TMPRSS13: variants seen among roughly 807,000 people sequenced by gnomAD.
TMPRSS13 encodes transmembrane serine protease 13.
Under a neutral mutation model 68.4 loss-of-function variants are expected in TMPRSS13, and 50 were observed. That is an observed-to-expected ratio of 0.73 (90% CI 0.58 to 0.93). The LOEUF (loss-of-function observed/expected upper bound fraction) is 0.93. TMPRSS13 is among the 40% of genes least tolerant of loss of function. The probability of loss-of-function intolerance (pLI) is 0.00; values close to 1 mark genes in which losing one functional copy is unlikely to be tolerated. For synonymous variants in TMPRSS13, 267 were observed against 285.8 expected, an observed-to-expected ratio of 0.93 and a Z score of 0.66; for missense variants, 615 against 729.2, an observed-to-expected ratio of 0.84 and a Z score of 1.80.
chr11:117,911,797 G>T lies in TMPRSS13; in HGVS notation c.873C>A (p.Tyr291Ter). 6.2e-7 allele frequency: 1 copy of T among 1,614,082 alleles called. No individual in the cohort carries two copies. Among genetic ancestry groups the T allele is most frequent in the Non-Finnish European group, 8.5e-7 (1 of 1,179,992 alleles). ...GGAGGCTTTCCTGGATGGTGGAGTT[G>T]TATCTCAAGATTGAGAAGCTGTTGG... ...DFANSFSILR[Y>*]NSTIQESLHR... The change falls in exon 6 of 13, where the codon TAC becomes TAA. Residue 291 changes from tyrosine (Y) to a stop codon, truncating the protein, a stop_gained. Transcript: ENST00000524993. LOFTEE classifies it high-confidence loss of function.
chr11:117,911,927 G>A lies in TMPRSS13; in HGVS notation c.810-67C>T, dbSNP rs77420280. On this transcript the variant is annotated intron_variant, in intron 5 of 12. Transcript: ENST00000524993. ...CAGAGTCATCCCAAGTCCTCCAGCA[G>A]GCTAGAGCCCCACCAGCCCTGCCGA... 1,506 of 1,337,266 alleles carry A rather than the reference G, an allele frequency of 1.1e-3. 17 individuals are homozygous for A. The African/African-American group carries it at 0.018, about 16-fold the overall frequency. 82.8% of individuals were successfully genotyped at this position (1,337,266 alleles called of 1,614,324 possible). A position where few individuals can be genotyped will look rare whatever the true frequency, so the allele number is the denominator to read the frequency against.
intron 1 of TMPRSS13, among the ~76,000 whole-genome samples, chr11:117,919,281 T>C (rs1849621149): frequency 6.6e-6 from 1 of 152,240 alleles, no homozygotes; most frequent in Admixed American, 6.5e-5. Flanking sequence ...TCCTTTTCTT[T>C]CATGTATGTG....
chr11:117,902,921 T>C (rs2057422376), intron 12 of TMPRSS13: 6 of 990,842 alleles, frequency 6.1e-6, no homozygotes, highest in East Asian at 1.0e-4. Context: ...CTAGGGTGGA[T>C]CAAGTATTCC....
At chr11:117,925,241 T>G (rs897585979) in intron 1 of TMPRSS13, among the ~76,000 whole-genome samples, 4 of 152,162 alleles carry the variant, frequency 2.6e-5, no homozygotes, top group African/African-American at 7.2e-5. Context: ...TAACATTCAT[T>G]TGAACAAAAG....
At chr11:117,927,560 T>C (rs2057718521) in intron 1 of TMPRSS13, among the ~76,000 whole-genome samples, 1 of 152,174 alleles carries the variant, frequency 6.6e-6, no homozygotes, top group South Asian at 2.1e-4. Context: ...TCAAGCCCAC[T>C]GGCCACCATC....
At chr11:117,924,971 G>A (rs2057690270) in intron 1 of TMPRSS13, among the ~76,000 whole-genome samples, 1 of 152,190 alleles carries the variant, frequency 6.6e-6, no homozygotes, top group Non-Finnish European at 1.5e-5. Flanking sequence ...GGGGGTGGGG[G>A]GCACGGGGAG....
At chr11:117,906,997 C>T (rs968096478) in intron 9 of TMPRSS13, among the ~76,000 whole-genome samples, 1 of 152,118 alleles carries the variant, frequency 6.6e-6, no homozygotes, top group South Asian at 2.1e-4. Context: ...TGCTTCCTGC[C>T]CAAAAGCCTA....
intron 1 of TMPRSS13, among the ~76,000 whole-genome samples, 153 bp from the exon 2 acceptor site, chr11:117,918,991 T>A (rs886068249): frequency 1.3e-5 from 2 of 152,130 alleles, no homozygotes; most frequent in Non-Finnish European, 2.9e-5. Flanking sequence ...AGGAGGACTG[T>A]GTCCAAGGAT....
chr11:117,925,587 C>T (rs1317935341), intron 1 of TMPRSS13, among the ~76,000 whole-genome samples: 1 of 152,174 alleles, frequency 6.6e-6, no homozygotes, highest in Non-Finnish European at 1.5e-5. Context: ...GGGGGCCCCT[C>T]TAAAGTTTTG....
At chr11:117,904,790 C>T (rs2057446525) in intron 10 of TMPRSS13, among the ~76,000 whole-genome samples, 1 of 149,500 alleles carries the variant, frequency 6.7e-6, no homozygotes, top group South Asian at 2.1e-4. Flanking sequence ...CACAACAGTA[C>T]CAGACATCCC....
At position 117,903,751 on chromosome 11, in the gene TMPRSS13, A is replaced by T. The variant is rs1165989625; in HGVS notation, c.1581T>A (p.Gly527=). 1.9e-6 allele frequency: 3 copies of T among 1,612,904 alleles called. No homozygotes were observed. Residue 527 remains glycine (G), a synonymous_variant, in exon 12 of 13, where the codon GGT becomes GGA. Coordinates refer to ENST00000524993, the MANE Select transcript of TMPRSS13 (RefSeq NM_001077263.3). ...CACAGCCTGTGCCCCAGCTGGTGACACCTGCCAGGTACCAGCGGTTGTTCT... is the reference window on the plus strand; with the variant it reads ...CACAGCCTGTGCCCCAGCTGGTGACTCCTGCCAGGTACCAGCGGTTGTTCT... The part of the protein sequence containing the change: ...CEQNNRWYLA[G]VTSWGTGCGQ...
chr11:117,929,323 G>C lies in TMPRSS13; in HGVS notation c.-16C>G. On this transcript the variant is annotated 5_prime_UTR_variant, in exon 1 of 13. Transcript: ENST00000524993. ...CCCTCTCCATGGTCTCTGAGGGGAA[G>C]AGTCCTCCAGGCTTAGCTGATGTCG... 1.2e-6 allele frequency: 2 copies of C among 1,604,396 alleles called. No individual in the cohort carries two copies. The highest frequency in any genetic ancestry group is 1.7e-6 in the Non-Finnish European group (2 of 1,175,702).
chr11:117,914,260 A>T lies in TMPRSS13; in HGVS notation c.679+132T>A, dbSNP rs2057551408. 7.9e-7 allele frequency: 1 copy of T among 1,259,196 alleles called. No individual in the cohort carries two copies. The highest frequency in any genetic ancestry group is 1.3e-5 in the South Asian group (1 of 74,920). The allele number at this position is 1,259,196 out of a possible 1,614,324, so 78.0% of individuals were successfully genotyped here. On this transcript the variant is annotated intron_variant, in intron 4 of 12. Coordinates refer to ENST00000524993, the MANE Select transcript of TMPRSS13 (RefSeq NM_001077263.3). This position sits in a 1 kb window ranked among gnomAD's most constrained non-coding sequence, Gnocchi z 4.2. ...ACACACACATACATGCATACACACA[A>T]ACATGCACATACACACACATGCACG... is the stretch of plus-strand genomic sequence containing the variant.
At position 117,923,364 on chromosome 11, in the gene TMPRSS13, C is replaced by A. The variant is rs188218396; in HGVS notation, c.22-4526G>T. Among the ~76,000 whole-genome samples, 428 of 147,454 alleles carry A rather than the reference C, an allele frequency of 2.9e-3. 1 individual carries two copies. The highest frequency in any genetic ancestry group is 5.4e-3 in the Admixed American group (82 of 15,090). On this transcript the variant is annotated intron_variant, in intron 1 of 12. Transcript: ENST00000524993. The stretch of plus-strand genomic sequence containing the variant: ...CCTGGTGGGGATGGTAGTAAGTTAG[C>A]CAGCCCCTGAGTATGTCCAGCTCTT...
Position 117,918,347 on chromosome 11 carries a change from T to G in TMPRSS13, c.451+62A>C, listed in dbSNP as rs568215309. The G allele has an allele frequency of 8.5e-5, 134 of 1,567,454 alleles. 1 individual carries two copies. In the African/African-American group the frequency reaches 1.7e-3, roughly 20 times the overall value. On this transcript the variant is annotated intron_variant, in intron 2 of 12. Transcript: ENST00000524993. ...AGAGCAGAGCACACTGGCTCTGAGA[T>G]TTCCTCCCTGCCCATGGGCTGCTTC...
At chr11:117,928,115 C>T (rs964244488) in intron 1 of TMPRSS13, among the ~76,000 whole-genome samples, 2 of 152,190 alleles carry the variant, frequency 1.3e-5, no homozygotes, top group Admixed American at 6.5e-5. Context: ...CTAGTTTAGG[C>T]TCCCAGCATA....
chr11:117,924,324 G>A (rs1325502443), intron 1 of TMPRSS13, among the ~76,000 whole-genome samples: 1 of 151,906 alleles, frequency 6.6e-6, no homozygotes, highest in Non-Finnish European at 1.5e-5. Context: ...TGATCTTCTG[G>A]CCCCCATCCT....
In TMPRSS13 at chr11:117,922,209, A is replaced by T. The variant is rs572004685; in HGVS notation, c.22-3371T>A. Among the ~76,000 whole-genome samples the T allele has an allele frequency of 9.9e-5, 15 of 152,238 alleles. No homozygotes were observed. The South Asian group carries it at 2.3e-3, about 23-fold the overall frequency. ...TAGAGGCCTTCAGCAGCTGGGGAAT[A>T]GGAAGGGGAGGAGACTACTTGTTTG... is the stretch of plus-strand genomic sequence containing the variant. On this transcript the variant is annotated intron_variant, in intron 1 of 12. Coordinates refer to ENST00000524993, the MANE Select transcript of TMPRSS13 (RefSeq NM_001077263.3). The surrounding 1 kb of genome is among the most constrained non-coding windows in gnomAD (Gnocchi z 4.2).
At position 117,922,436 on chromosome 11, in the gene TMPRSS13, T is replaced by C. The variant is rs775250617; in HGVS notation, c.22-3598A>G. 1.3e-5 allele frequency among the ~76,000 whole-genome samples: 2 copies of C among 152,180 alleles called. No individual in the cohort carries two copies. The highest frequency in any genetic ancestry group is 2.4e-5 in the African/African-American group (1 of 41,446). ...TTTTAATAGAGATGGGGTTTCACCATGTTGGCCAGGATGGTCTCGATCTCT... is the reference window on the plus strand; with the variant it reads ...TTTTAATAGAGATGGGGTTTCACCACGTTGGCCAGGATGGTCTCGATCTCT... On this transcript the variant is annotated intron_variant, in intron 1 of 12. Transcript: ENST00000524993. This position sits in a 1 kb window ranked among gnomAD's most constrained non-coding sequence, Gnocchi z 4.2.
Sources: gnomAD v4.1 joint callset for allele counts (sites outside exome capture counted in the v4.1 genomes callset) on GRCh38, gnomAD v4.1.1 for gene constraint, Gnocchi (gnomAD v3.1) non-coding constraint, MANE v1.5 for transcripts, NCBI Gene and HGNC (gene_info 2026-07-23, HGNC 2026-07-21) for gene names.